The following EMP2 variants were observed in gnomAD, a reference collection of about 807,000 sequenced individuals.
The protein encoded by EMP2 is epithelial membrane protein 2.
A neutral mutation model predicts 13.7 loss-of-function variants in EMP2; 19 were observed. That is an observed-to-expected ratio of 1.38 (90% CI 0.97 to 2.03). The LOEUF (loss-of-function observed/expected upper bound fraction) is 2.03. Among genes scored for constraint, EMP2 ranks in the 30% most tolerant of loss-of-function variants. EMP2 has a pLI of 0.00. For missense variants in EMP2, 253 were observed against 220.7 expected (o/e 1.15, Z -0.93); for synonymous variants, 97 against 84.7 (o/e 1.15, Z -0.80).
intron 4 of EMP2, among the ~76,000 whole-genome samples, chr16:10,533,466 T>C (rs1175655653): frequency 1.3e-5 from 2 of 152,162 alleles, no homozygotes; most frequent in Non-Finnish European, 2.9e-5. Flanking sequence ...TAAACCCAGT[T>C]TTGTTTGGGC....
chr16:10,558,237 G>A (rs1162100684), intron 1 of EMP2, among the ~76,000 whole-genome samples: 1 of 152,040 alleles, frequency 6.6e-6, no homozygotes, highest in African/African-American at 2.4e-5. Context: ...GTGTTGCCCA[G>A]GCTGGTCTCA....
In EMP2 at chr16:10,547,603, A is replaced by C; in HGVS notation, c.15T>G (p.Leu5=). Residue 5 remains leucine (L), a synonymous_variant, in exon 2 of 5, where the codon CTT becomes CTG. Transcript: ENST00000359543. ...TGATGTGGAAGGCGATGATGAAAGC[A>C]AGAAGCACCAACATTTTCACAGGGC... MLVL[L]AFIIAFHITS... The C allele has an allele frequency of 1.2e-6, 2 of 1,614,210 alleles. No homozygotes were observed.
At chr16:10,540,498 T>G (rs186093473) in intron 3 of EMP2, among the ~76,000 whole-genome samples, 966 of 95,210 alleles carry the variant, frequency 0.01, 8 homozygotes, top group African/African-American at 0.049. Flanking sequence ...AGAGCGAGAC[T>G]CTGTCTCAAA....
In EMP2 at chr16:10,531,081, C is replaced by G. The variant is rs891089253; in HGVS notation, c.*1824G>C. The G allele has an allele frequency of 3.3e-5, 5 of 152,198 alleles. No individual in the cohort carries two copies. The highest frequency in any genetic ancestry group is 4.8e-5 in the African/African-American group (2 of 41,426). 9.4% of individuals were successfully genotyped at this position (152,198 alleles called of 1,614,324 possible). A position where few individuals can be genotyped will look rare whatever the true frequency, so the allele number is the denominator to read the frequency against. ...CCGCCTCCCAGTTTCAAGCGATTCT[C>G]CTGCCTCAGCCTCCTAAGTAGCTGG... is the stretch of plus-strand genomic sequence containing the variant. On this transcript the variant is annotated 3_prime_UTR_variant, in exon 5 of 5. Coordinates refer to ENST00000359543, the MANE Select transcript of EMP2 (RefSeq NM_001424.6).
intron 1 of EMP2, among the ~76,000 whole-genome samples, chr16:10,578,806 C>T (rs1160807120): frequency 6.6e-6 from 1 of 152,270 alleles, no homozygotes; most frequent in Non-Finnish European, 1.5e-5. Flanking sequence ...CAAAAACCCT[C>T]AGTGGGAAAA....
chr16:10,532,859 G>T lies in EMP2; in HGVS notation c.*46C>A. ...ATGATTATATACAAAATGGTTATCT[G>T]AATGTGGATTCTGTACTGCAGCAGA... is the stretch of plus-strand genomic sequence containing the variant. On this transcript the variant is annotated 3_prime_UTR_variant, in exon 5 of 5. Transcript: ENST00000359543. 8.9e-7 allele frequency: 1 copy of T among 1,119,212 alleles called. No individual in the cohort carries two copies. Among genetic ancestry groups the T allele is most frequent in the South Asian group, 2.9e-5 (1 of 34,466 alleles). 69.3% of individuals were successfully genotyped at this position (1,119,212 alleles called of 1,614,324 possible).
intron 3 of EMP2, among the ~76,000 whole-genome samples, chr16:10,538,524 C>CTG: frequency 6.6e-6 from 1 of 152,256 alleles, no homozygotes; most frequent in Non-Finnish European, 1.5e-5. Flanking sequence ...GTGAGGTGCT[C>CTG]TGTGGACTCC....
intron 4 of EMP2, among the ~76,000 whole-genome samples, chr16:10,534,557 G>C (rs1390958564): frequency 6.6e-6 from 1 of 152,142 alleles, no homozygotes; most frequent in Admixed American, 6.6e-5. Flanking sequence ...CTTGCACCCA[G>C]GAGCTCGAGA....
Position 10,532,776 on chromosome 16 carries a change from TTTTTTTTTTTG to T in EMP2, c.*118_*128del, listed in dbSNP as rs2050616604. The T allele has an allele frequency of 1.2e-5, 5 of 404,836 alleles. No individual in the cohort carries two copies. The highest frequency in any genetic ancestry group is 1.5e-5 in the Non-Finnish European group (4 of 266,990). 25.1% of individuals were successfully genotyped at this position (404,836 alleles called of 1,614,324 possible). ...CTTTTTTCTTTTTTTTTTTTTTTTT[TTTTTTTTTTTG>T]GCTTTTAAAGGAAACAATACGTTTG... On this transcript the variant is annotated 3_prime_UTR_variant, in exon 5 of 5. Coordinates refer to ENST00000359543, the MANE Select transcript of EMP2 (RefSeq NM_001424.6).
intron 1 of EMP2, among the ~76,000 whole-genome samples, chr16:10,556,834 G>C (rs1217614535): frequency 6.6e-6 from 1 of 152,122 alleles, no homozygotes; most frequent in Non-Finnish European, 1.5e-5. Flanking sequence ...CCAAATACAG[G>C]GCATTTTTAT....
Sources: allele counts gnomAD v4.1 joint callset (sites outside exome capture counted in the v4.1 genomes callset), GRCh38; gene constraint gnomAD v4.1.1; transcripts MANE v1.5; gene names NCBI Gene and HGNC (gene_info 2026-07-23, HGNC 2026-07-21).